The following CCNB3 variants were observed in gnomAD, a reference collection of about 807,000 sequenced individuals.
CCNB3 encodes cyclin B3, also known as G2/mitotic-specific cyclin-B3.
In CCNB3, 12 loss-of-function variants were observed where a neutral mutation model predicts 68.0. That is an observed-to-expected ratio of 0.18 (90% CI 0.11 to 0.29). CCNB3 has a LOEUF of 0.29. Among genes scored for constraint, CCNB3 ranks in the 10% least tolerant of loss-of-function variants. The pLI is 1.00. For synonymous variants in CCNB3, 354 were observed against 388.9 expected (o/e 0.91, Z 1.06); for missense variants, 904 against 993.1 (o/e 0.91, Z 1.21).
intron 1 of CCNB3, among the ~76,000 whole-genome samples, chrX:50,279,329 A>G (rs1310997301): frequency 1.3e-5 from 1 of 74,220 alleles, no homozygotes; most frequent in African/African-American, 5.8e-5. Context: ...ATATTTAAAT[A>G]TATATGAATA....
intron 5 of CCNB3, among the ~76,000 whole-genome samples, chrX:50,297,838 G>A (rs1936513115): frequency 9.0e-6 from 1 of 111,011 alleles, no homozygotes; most frequent in Admixed American, 9.6e-5. Flanking sequence ...TCTTGAAAAG[G>A]TCCTTCACAT....
intron 8 of CCNB3, among the ~76,000 whole-genome samples, chrX:50,329,118 C>G (rs1378609768): frequency 4.5e-5 from 5 of 111,759 alleles, no homozygotes; most frequent in Non-Finnish European, 7.5e-5. Context: ...GTTCCTGTGG[C>G]TTTTCTAGGC....
intron 1 of CCNB3, among the ~76,000 whole-genome samples, chrX:50,218,087 AGTT>A (rs1935608399): frequency 8.9e-6 from 1 of 112,187 alleles, no homozygotes; most frequent in African/African-American, 3.2e-5. Flanking sequence ...CATCAACAGA[AGTT>A]ATTATCAATA....
chrX:50,332,587 G>A (rs782448099), intron 8 of CCNB3, among the ~76,000 whole-genome samples: 1 of 111,346 alleles, frequency 9.0e-6, no homozygotes, highest in Non-Finnish European at 1.9e-5. Context: ...AGGGCTTGTC[G>A]TCCTCAGAGT....
At chrX:50,279,937 T>C (rs1436944071) in intron 1 of CCNB3, among the ~76,000 whole-genome samples, 2 of 86,673 alleles carry the variant, frequency 2.3e-5, no homozygotes, top group African/African-American at 9.0e-5. Flanking sequence ...TAAATATGTA[T>C]TTATAATATA....
At chrX:50,285,091 G>A (rs1311419921) in intron 2 of CCNB3, 36 bp from the exon 3 acceptor site, 14 of 756,323 alleles carry the variant, frequency 1.9e-5, no homozygotes, top group Non-Finnish European at 2.9e-5. Context: ...TCGTGTTTCT[G>A]GTGAATGGTG....
chrX:50,317,447 T>C (rs1296133977), intron 8 of CCNB3, among the ~76,000 whole-genome samples: 25 of 111,597 alleles, frequency 2.2e-4, no homozygotes, highest in Admixed American at 2.2e-3. Context: ...GCCTTCTTTA[T>C]GGATTATACT....
chrX:50,326,745 A>G (rs782620795), intron 8 of CCNB3, among the ~76,000 whole-genome samples: 102 of 111,711 alleles, frequency 9.1e-4, no homozygotes, highest in African/African-American at 3.2e-3. Context: ...CTTTAAAAGT[A>G]TATTTCAGTT....
intron 1 of CCNB3, among the ~76,000 whole-genome samples, chrX:50,210,973 T>C (rs1935472817): frequency 9.0e-6 from 1 of 111,392 alleles, no homozygotes; most frequent in African/African-American, 3.3e-5. Flanking sequence ...TTTAAAAAAG[T>C]ACTTGAGGCC....
At chrX:50,294,625 G>T (rs1557210558) in intron 4 of CCNB3, among the ~76,000 whole-genome samples, 2 of 111,532 alleles carry the variant, frequency 1.8e-5, no homozygotes, top group African/African-American at 6.5e-5. Flanking sequence ...AGGGCTGCTA[G>T]TTAGCCAACA....
intron 8 of CCNB3, among the ~76,000 whole-genome samples, chrX:50,324,458 C>T (rs1569543237): frequency 8.9e-6 from 1 of 112,138 alleles, no homozygotes; most frequent in African/African-American, 3.2e-5. Flanking sequence ...TTTTCTCACT[C>T]ATTGCGTGAT....
At chrX:50,226,275 A>ATATATTTATATATATAGAATATG (rs1935786397) in intron 1 of CCNB3, among the ~76,000 whole-genome samples, 1 of 65,112 alleles carries the variant, frequency 1.5e-5, no homozygotes, top group Non-Finnish European at 2.5e-5. Flanking sequence ...TATAGAATAT[A>ATATATTTATATATATAGAATATG]TATATTTATA....
chrX:50,297,636 C>A (rs1602210487), intron 5 of CCNB3, among the ~76,000 whole-genome samples: 1 of 111,861 alleles, frequency 8.9e-6, no homozygotes, highest in African/African-American at 3.2e-5. Flanking sequence ...TCCATATGAA[C>A]TTTAAAGTAG....
Position 50,333,384 on chromosome X carries a change from C to T in CCNB3, c.3517-8818C>T, listed in dbSNP as rs1039809977. 3.6e-5 allele frequency among the ~76,000 whole-genome samples: 4 copies of T among 111,882 alleles called. 1 individual carries two copies. The highest frequency in any genetic ancestry group is 2.8e-4 in the East Asian group (1 of 3,525). On this transcript the variant is annotated intron_variant, in intron 8 of 12. Coordinates refer to ENST00000376042, the MANE Select transcript of CCNB3 (RefSeq NM_033031.3). Reference sequence around the variant, plus strand: ...CACATTTTGGCATTTCTGTGAAATCCACCTGAAGATCCTCAAAAGGAGCCG... The same window carrying T: ...CACATTTTGGCATTTCTGTGAAATCTACCTGAAGATCCTCAAAAGGAGCCG...
chrX:50,311,579 T>TTG lies in CCNB3; in HGVS notation c.3327+84_3327+85insGT, dbSNP rs1388475773. The TTG allele has an allele frequency of 1.5e-5, 11 of 726,314 alleles. No homozygotes were observed. In the African/African-American group the frequency reaches 2.7e-4, roughly 18 times the overall value. 59.9% of individuals were successfully genotyped at this position (726,314 alleles called of 1,213,427 possible). A position where few individuals can be genotyped will look rare whatever the true frequency, so the allele number is the denominator to read the frequency against. ...GGCTGCTAGCAAAGTTGTTTTTTTT[T>TTG]TTTTGTTTTTGTTTTTTGTTGTTGT... On this transcript the variant is annotated intron_variant, in intron 6 of 12. Coordinates refer to ENST00000376042, the MANE Select transcript of CCNB3 (RefSeq NM_033031.3).
At chrX:50,350,264 CA>C (rs1923608302) in intron 11 of CCNB3, among the ~76,000 whole-genome samples, 1 of 110,094 alleles carries the variant, frequency 9.1e-6, no homozygotes, top group African/African-American at 3.3e-5. Context: ...CACACACACA[CA>C]CACACACACA....
intron 8 of CCNB3, among the ~76,000 whole-genome samples, chrX:50,324,121 C>T (rs1338365016): frequency 4.5e-5 from 5 of 112,296 alleles, no homozygotes; most frequent in African/African-American, 6.5e-5. Flanking sequence ...CTCGGCTCAC[C>T]GCAATCTCTG....
intron 5 of CCNB3, among the ~76,000 whole-genome samples, chrX:50,299,588 G>T (rs1354359394): frequency 3.6e-5 from 4 of 111,263 alleles, no homozygotes; most frequent in African/African-American, 1.3e-4. Flanking sequence ...GTGGTGTGGT[G>T]CTGAAAAGAA....
intron 8 of CCNB3, among the ~76,000 whole-genome samples, chrX:50,321,594 C>G (rs1412297754): frequency 1.8e-5 from 2 of 111,318 alleles, no homozygotes; most frequent in African/African-American, 6.5e-5. Context: ...CAATTCTCTT[C>G]CATTGATCTA....
Sources: allele counts gnomAD v4.1 joint callset (sites outside exome capture counted in the v4.1 genomes callset), GRCh38; gene constraint gnomAD v4.1.1; transcripts MANE v1.5; gene names NCBI Gene and HGNC (gene_info 2026-07-23, HGNC 2026-07-21).